The following AKAP1 variants were observed in gnomAD, a reference collection of about 807,000 sequenced individuals.
AKAP1 encodes the protein A-kinase anchor protein 1, mitochondrial.
Under a neutral mutation model 79.8 loss-of-function variants are expected in AKAP1, and 32 were observed. The observed-to-expected ratio is 0.40, with a 90% CI of 0.30 to 0.54. AKAP1 has a LOEUF of 0.54. Among genes scored for constraint, AKAP1 ranks in the 20% least tolerant of loss-of-function variants. The probability of loss-of-function intolerance (pLI) is 0.47; values close to 1 mark genes in which losing one functional copy is unlikely to be tolerated. For missense variants in AKAP1, 961 were observed against 1,138.9 expected, an observed-to-expected ratio of 0.84 and a Z score of 2.25; for synonymous variants, 416 against 466.7, an observed-to-expected ratio of 0.89 and a Z score of 1.40.
intron 1 of AKAP1, among the ~76,000 whole-genome samples, chr17:57,100,105 C>T (rs1342686817): frequency 6.6e-6 from 1 of 152,172 alleles, no homozygotes; most frequent in African/African-American, 2.4e-5. Context: ...TTAGAGTCTG[C>T]GGCCTTGGGC....
At chr17:57,097,867 C>T (rs1046224449) in intron 1 of AKAP1, among the ~76,000 whole-genome samples, 1 of 152,256 alleles carries the variant, frequency 6.6e-6, no homozygotes, top group African/African-American at 2.4e-5. Context: ...GGGCACTTGG[C>T]TCCTAAGCTG....
chr17:57,091,186 C>G (rs1913760983), intron 1 of AKAP1, among the ~76,000 whole-genome samples: 1 of 152,152 alleles, frequency 6.6e-6, no homozygotes, highest in Non-Finnish European at 1.5e-5. Flanking sequence ...GAGGGAGACC[C>G]ACACTCAGCT....
chr17:57,107,617 T>C lies in AKAP1; in HGVS notation c.1714+439T>C, dbSNP rs556199041. ...CCTCCCAGAGTGCTGGGTTTATAGG[T>C]GTGAGTCACTATGCCCAGCCCATTT... On this transcript the variant is annotated intron_variant, in intron 2 of 10. Coordinates refer to ENST00000337714, the MANE Select transcript of AKAP1 (RefSeq NM_003488.4). Among the ~76,000 whole-genome samples, 100 of 152,180 alleles carry C rather than the reference T, an allele frequency of 6.6e-4. No individual in the cohort carries two copies. The South Asian group carries it at 7.5e-3, about 11-fold the overall frequency.
At chr17:57,096,201 C>A (rs1914103405) in intron 1 of AKAP1, 1 of 152,356 alleles carries the variant, frequency 6.6e-6, no homozygotes, top group East Asian at 1.9e-4. Context: ...GGAGCTCTTA[C>A]TTTGAGGCCA....
intron 6 of AKAP1, among the ~76,000 whole-genome samples, chr17:57,115,884 G>A (rs1915547803): frequency 6.6e-6 from 1 of 152,272 alleles, no homozygotes; most frequent in East Asian, 1.9e-4. Context: ...GGATGGCCTC[G>A]GGGGCGGCAC....
intron 10 of AKAP1, 83 bp from the exon 11 acceptor site, chr17:57,120,167 C>A: frequency 7.7e-7 from 1 of 1,304,444 alleles, no homozygotes; most frequent in Non-Finnish European, 1.1e-6. Flanking sequence ...CAGTGGCAAC[C>A]GGGGAGGGGA....
At chr17:57,110,680 G>A (rs937703277) in intron 3 of AKAP1, among the ~76,000 whole-genome samples, 1 of 152,146 alleles carries the variant, frequency 6.6e-6, no homozygotes, top group African/African-American at 2.4e-5. Context: ...GCACCCTGTG[G>A]TTTTTAAACA....
chr17:57,087,797 C>G (rs1913552657), intron 1 of AKAP1, among the ~76,000 whole-genome samples: 1 of 152,190 alleles, frequency 6.6e-6, no homozygotes, highest in South Asian at 2.1e-4. Flanking sequence ...GCCTCCTGCT[C>G]CCAGCCTGCA....
chr17:57,086,547 G>T lies in AKAP1; in HGVS notation c.-25+1149G>T. On this transcript the variant is annotated intron_variant, in intron 1 of 10. Transcript: ENST00000337714. This position sits in a 1 kb window ranked among gnomAD's most constrained non-coding sequence, Gnocchi z 5.1. The stretch of plus-strand genomic sequence containing the variant: ...GTGGACTTCGCTCCAGGTGCGAGTC[G>T]AGGCCTCTCAAGCTGGGTAGGGTGT... 2.3e-6 allele frequency: 1 copy of T among 430,602 alleles called. No homozygotes were observed. The highest frequency in any genetic ancestry group is 4.6e-6 in the Non-Finnish European group (1 of 216,162). 26.7% of individuals were successfully genotyped at this position (430,602 alleles called of 1,614,324 possible).
rs775613527 is a variant in AKAP1, at chr17:57,086,074, G to C, written c.-25+676G>C. 10 of 234,138 alleles carry C rather than the reference G, an allele frequency of 4.3e-5. No individual in the cohort carries two copies. Among genetic ancestry groups the C allele is most frequent in the Non-Finnish European group, 7.8e-5 (9 of 114,990 alleles). 14.5% of individuals were successfully genotyped at this position (234,138 alleles called of 1,614,324 possible). A position where few individuals can be genotyped will look rare whatever the true frequency, so the allele number is the denominator to read the frequency against. ...CGTTCGAACCGAATTGGGGTCTGGA[G>C]GTCGGAGGCTCAGGGGCGTCTCGGG... On this transcript the variant is annotated intron_variant, in intron 1 of 10. Transcript: ENST00000337714. The surrounding 1 kb of genome is among the most constrained non-coding windows in gnomAD (Gnocchi z 5.1).
chr17:57,102,458 TG>T (rs1346591302), intron 1 of AKAP1, among the ~76,000 whole-genome samples: 1 of 151,584 alleles, frequency 6.6e-6, no homozygotes, highest in Non-Finnish European at 1.5e-5. Flanking sequence ...ACCCATCCCT[TG>T]GCTGTATGCC....
At chr17:57,104,073 C>T (rs1273639051) in intron 1 of AKAP1, among the ~76,000 whole-genome samples, 1 of 152,138 alleles carries the variant, frequency 6.6e-6, no homozygotes, top group East Asian at 1.9e-4. Flanking sequence ...AATTCTCCTG[C>T]CTCAGCCTCC....
chr17:57,110,305 A>G, intron 3 of AKAP1, 147 bp downstream of exon 3: 1 of 1,102,618 alleles, frequency 9.1e-7, no homozygotes. Context: ...CAGGGAAAGG[A>G]CACGCTACAC....
chr17:57,100,654 C>T (rs972055819), intron 1 of AKAP1, among the ~76,000 whole-genome samples: 14 of 152,146 alleles, frequency 9.2e-5, no homozygotes, highest in Non-Finnish European at 1.3e-4. Context: ...ACAAACTGAC[C>T]GGATGAAAAC....
At chr17:57,113,392 T>G (rs971302682) in intron 5 of AKAP1, among the ~76,000 whole-genome samples, 3 of 137,418 alleles carry the variant, frequency 2.2e-5, no homozygotes, top group Non-Finnish European at 4.6e-5. Context: ...CTCCTTCGTG[T>G]TTTTTTTTTG....
intron 1 of AKAP1, chr17:57,093,626 CAT>C (rs2144644642): frequency 6.6e-6 from 1 of 152,266 alleles, no homozygotes; most frequent in Non-Finnish European, 1.5e-5. Flanking sequence ...TAATAAGAAA[CAT>C]AAAGCTGTGT....
rs139982922 is a variant in AKAP1, at chr17:57,097,769, A to C, written c.-24-7672A>C. The stretch of plus-strand genomic sequence containing the variant: ...GTGTGAACACTGGAATAATGGAAGA[A>C]ATGTTCAAATTCCAGTGTAAATGTT... On this transcript the variant is annotated intron_variant, in intron 1 of 10. Coordinates refer to ENST00000337714, the MANE Select transcript of AKAP1 (RefSeq NM_003488.4). Among the ~76,000 whole-genome samples, 641 of 152,340 alleles carry C rather than the reference A, an allele frequency of 4.2e-3. 2 individuals carry two copies. Among genetic ancestry groups the C allele is most frequent in the African/African-American group, 0.015 (607 of 41,586 alleles).
Position 57,106,384 on chromosome 17 carries a change from A to G in AKAP1, c.920A>G (p.Glu307Gly). The change falls in exon 2 of 11, where the codon GAG becomes GGG. Residue 307 changes from glutamate (E) to glycine (G), a missense_variant. Glu to Gly is a moderately conservative substitution (Grantham distance 98). Transcript: ENST00000337714. ...DRGVEGELGN[E>G]ESLDRNEEGL... ...GGTGTCGAGGGAGAACTGGGCAATGAGGAGAGCTTGGATAGAAATGAGGAG... is the reference window on the plus strand; with the variant it reads ...GGTGTCGAGGGAGAACTGGGCAATGGGGAGAGCTTGGATAGAAATGAGGAG... The G allele has an allele frequency of 6.2e-7, 1 of 1,613,428 alleles. No homozygotes were observed. The highest frequency in any genetic ancestry group is 8.5e-7 in the Non-Finnish European group (1 of 1,179,678).
intron 6 of AKAP1, among the ~76,000 whole-genome samples, chr17:57,115,514 A>C (rs1356647158): frequency 6.6e-6 from 1 of 151,800 alleles, no homozygotes; most frequent in Non-Finnish European, 1.5e-5. Flanking sequence ...GGGAACGTTT[A>C]CCTCCTGGTC....
Sources: allele counts gnomAD v4.1 joint callset (sites outside exome capture counted in the v4.1 genomes callset), GRCh38; gene constraint gnomAD v4.1.1; non-coding constraint Gnocchi (gnomAD v3.1); transcripts MANE v1.5; gene names NCBI Gene and HGNC (gene_info 2026-07-23, HGNC 2026-07-21).